SKA2: variants seen among roughly 807,000 people sequenced by gnomAD.
The protein encoded by SKA2 is spindle and kinetochore associated complex subunit 2.
SKA2 carries 13 observed loss-of-function variants against 16.9 expected under a neutral mutation model. The observed-to-expected ratio is 0.77, with a 90% CI of 0.50 to 1.22. SKA2 has a LOEUF of 1.22. SKA2 is among the 50% of genes most tolerant of loss of function. The pLI is 0.00. For synonymous variants in SKA2, 47 were observed against 48.5 expected, an observed-to-expected ratio of 0.97 and a Z score of 0.13; for missense variants, 107 against 139.7, an observed-to-expected ratio of 0.77 and a Z score of 1.18.
intron 1 of SKA2, chr17:59,137,765 A>G: frequency 7.6e-6 from 4 of 526,300 alleles, no homozygotes; most frequent in South Asian, 5.8e-5. Flanking sequence ...CAGCCTGCCC[A>G]TTGTTCTTTC....
chr17:59,141,216 G>A (rs1470684677), intron 1 of SKA2, among the ~76,000 whole-genome samples: 1 of 151,888 alleles, frequency 6.6e-6, no homozygotes, highest in African/African-American at 2.4e-5. Context: ...GGCCAACATG[G>A]TGAAACCTTG....
intron 1 of SKA2, among the ~76,000 whole-genome samples, chr17:59,140,391 G>A (rs925244295): frequency 4.6e-5 from 7 of 150,978 alleles, no homozygotes; most frequent in African/African-American, 7.3e-5. Context: ...ACCATGCCTG[G>A]CTAATTTTTG....
intron 1 of SKA2, among the ~76,000 whole-genome samples, chr17:59,145,061 G>T (rs1442986544): frequency 1.3e-5 from 2 of 152,192 alleles, no homozygotes; most frequent in Non-Finnish European, 2.9e-5. Context: ...GCCTCCCAAA[G>T]TGCTGGGATT....
At chr17:59,119,667 A>AT (rs2046319921) in intron 2 of SKA2, among the ~76,000 whole-genome samples, 172 bp from the exon 3 acceptor site, 1 of 152,236 alleles carries the variant, frequency 6.6e-6, no homozygotes, top group Non-Finnish European at 1.5e-5. Flanking sequence ...AGAGAAAAGT[A>AT]TAAGACCTAG....
At chr17:59,130,058 GA>G (rs2046401780) in intron 2 of SKA2, among the ~76,000 whole-genome samples, 2 of 149,352 alleles carry the variant, frequency 1.3e-5, no homozygotes, top group Non-Finnish European at 3.0e-5. Context: ...GAGAGAGAAA[GA>G]AAAAAGGGAA....
rs1484064577 is a variant in SKA2 at position 59,110,310 on chromosome 17, T to C, written c.*1967A>G. 1 of 152,182 alleles carries C rather than the reference T, an allele frequency of 6.6e-6. No individual in the cohort carries two copies. The highest frequency in any genetic ancestry group is 2.4e-5 in the African/African-American group (1 of 41,434). 9.4% of individuals were successfully genotyped at this position (152,182 alleles called of 1,614,324 possible). ...GTACAATCTAATTTTTCTCCCTAAC[T>C]GAAAGCAAAACCACTTTTAATACTA... On this transcript the variant is annotated 3_prime_UTR_variant, in exon 4 of 4. Transcript: ENST00000330137.
chr17:59,112,337 T>C lies in SKA2; in HGVS notation c.306A>G (p.Pro102=). Residue 102 remains proline (P), a synonymous_variant, in exon 4 of 4, where the codon CCA becomes CCG. Coordinates refer to ENST00000330137, the MANE Select transcript of SKA2 (RefSeq NM_182620.4). ...LQKQTDLELS[P]LTKEEKTAAE... The stretch of plus-strand genomic sequence containing the variant: ...CCGCAGTTTTCTCTTCTTTAGTCAG[T>C]GGTGACAGCTAGAAAATAAATGATA... 6.2e-7 allele frequency: 1 copy of C among 1,607,976 alleles called. No homozygotes were observed. Among genetic ancestry groups the C allele is most frequent in the Non-Finnish European group, 8.5e-7 (1 of 1,178,182 alleles).
chr17:59,147,047 A>G (rs998598029), intron 1 of SKA2, among the ~76,000 whole-genome samples: 2 of 151,712 alleles, frequency 1.3e-5, no homozygotes, highest in Non-Finnish European at 2.9e-5. Context: ...AACCCCAGCT[A>G]CTAGGGAGGC....
intron 2 of SKA2, among the ~76,000 whole-genome samples, chr17:59,121,793 C>CAAAAAAAAAA (rs758240217): frequency 1.2e-5 from 1 of 81,174 alleles, no homozygotes; most frequent in African/African-American, 5.6e-5. Context: ...TACGAAAATA[C>CAAAAAAAAAA]AAAAAAAAAA....
chr17:59,142,291 GT>G lies in SKA2; in HGVS notation c.34-10925del, dbSNP rs757348686. 5.9e-3 allele frequency among the ~76,000 whole-genome samples: 803 copies of G among 136,832 alleles called. 2 individuals are homozygous for G. Among genetic ancestry groups the G allele is most frequent in the Non-Finnish European group, 6.7e-3 (418 of 62,838 alleles). The allele number at this position is 136,832 out of a possible 152,430, so 89.8% of individuals were successfully genotyped here. A position where few individuals can be genotyped will look rare whatever the true frequency, so the allele number is the denominator to read the frequency against. On this transcript the variant is annotated intron_variant, in intron 1 of 3. Transcript: ENST00000330137. ...AAATTCTTTAGTTTATATATGGTGGGTTTTTTTTTTTTTTTTGAGATGGCGT... is the reference window on the plus strand; with the variant it reads ...AAATTCTTTAGTTTATATATGGTGGGTTTTTTTTTTTTTTTGAGATGGCGT...
chr17:59,143,344 C>A (rs1029840444), intron 1 of SKA2, among the ~76,000 whole-genome samples: 1 of 152,028 alleles, frequency 6.6e-6, no homozygotes, highest in Non-Finnish European at 1.5e-5. Flanking sequence ...GCTGAGATTA[C>A]AGGCCCCTAC....
chr17:59,139,095 A>C (rs145998172), intron 1 of SKA2, among the ~76,000 whole-genome samples: 5 of 152,264 alleles, frequency 3.3e-5, no homozygotes, highest in African/African-American at 1.2e-4. Context: ...CTTACTAAAC[A>C]GGCTTAGAAA....
At chr17:59,140,234 T>TC (rs1302829292) in intron 1 of SKA2, among the ~76,000 whole-genome samples, 2 of 147,128 alleles carry the variant, frequency 1.4e-5, no homozygotes, top group African/African-American at 4.9e-5. Flanking sequence ...TCTGCAAGCT[T>TC]TTTTTTTTTT....
chr17:59,130,930 T>C (rs2046407786), intron 2 of SKA2, among the ~76,000 whole-genome samples: 1 of 152,198 alleles, frequency 6.6e-6, no homozygotes, highest in East Asian at 1.9e-4. Flanking sequence ...CCTCAGAGAA[T>C]ATGCTGACTG....
chr17:59,148,937 A>G (rs1386419667), intron 1 of SKA2, among the ~76,000 whole-genome samples: 1 of 152,176 alleles, frequency 6.6e-6, no homozygotes, highest in Non-Finnish European at 1.5e-5. Flanking sequence ...AGGAAGTGCA[A>G]ATTGAAACTA....
At chr17:59,133,221 C>T (rs1228168368) in intron 1 of SKA2, among the ~76,000 whole-genome samples, 2 of 152,176 alleles carry the variant, frequency 1.3e-5, no homozygotes, top group Admixed American at 6.5e-5. Context: ...CTCAGCCTCC[C>T]GAAGTGCTGG....
intron 3 of SKA2, among the ~76,000 whole-genome samples, chr17:59,115,425 G>T (rs1379828652): frequency 1.3e-5 from 2 of 152,088 alleles, no homozygotes; most frequent in African/African-American, 4.8e-5. Flanking sequence ...AACAGCCACA[G>T]AACCTATATG....
At chr17:59,128,945 T>A (rs529619609) in intron 2 of SKA2, among the ~76,000 whole-genome samples, 3 of 152,258 alleles carry the variant, frequency 2.0e-5, no homozygotes, top group South Asian at 2.1e-4. Context: ...GCTGCTTTTT[T>A]AAAAAGTTGC....
At chr17:59,139,886 G>T (rs1599674103) in intron 1 of SKA2, among the ~76,000 whole-genome samples, 1 of 152,120 alleles carries the variant, frequency 6.6e-6, no homozygotes, top group East Asian at 1.9e-4. Context: ...GGGAATAGAT[G>T]AAAGAACAAA....
Sources: gnomAD v4.1 joint callset for allele counts (sites outside exome capture counted in the v4.1 genomes callset) on GRCh38, gnomAD v4.1.1 for gene constraint, MANE v1.5 for transcripts, NCBI Gene and HGNC (gene_info 2026-07-23, HGNC 2026-07-21) for gene names.